Variants in SMG6 observed in about 807,000 individuals in gnomAD.
SMG6 encodes the protein SMG6 nonsense mediated mRNA decay factor, also known as telomerase-binding protein EST1A.
A neutral mutation model predicts 142.2 loss-of-function variants in SMG6; 66 were observed. The ratio of observed to expected loss-of-function variants is 0.46; its 90% CI spans 0.38 to 0.57. The LOEUF (loss-of-function observed/expected upper bound fraction) is 0.57. Ranked by LOEUF, SMG6 falls within the 20% of genes least tolerant of loss-of-function variation. The probability of loss-of-function intolerance (pLI) is 0.00; values close to 1 mark genes in which losing one functional copy is unlikely to be tolerated. For synonymous variants in SMG6, 779 were observed against 702.4 expected, an observed-to-expected ratio of 1.11 and a Z score of -1.72; for missense variants, 1,793 against 1,832.0, an observed-to-expected ratio of 0.98 and a Z score of 0.39.
intron 13 of SMG6, among the ~76,000 whole-genome samples, chr17:2,121,220 T>G (rs1262653611): frequency 6.6e-6 from 1 of 151,138 alleles, no homozygotes; most frequent in Non-Finnish European, 1.5e-5. Context: ...CACAGCAACT[T>G]TATTCATAAC....
chr17:2,300,814 G>T lies in SMG6; in HGVS notation c.89-150C>A, dbSNP rs1017580185. 4.3e-6 allele frequency: 3 copies of T among 705,114 alleles called. No homozygotes were observed. The African/African-American group carries it at 5.4e-5, about 13-fold the overall frequency. 43.7% of individuals were successfully genotyped at this position (705,114 alleles called of 1,614,324 possible). A position where few individuals can be genotyped will look rare whatever the true frequency, so the allele number is the denominator to read the frequency against. ...ATGCTAATACTGGTAGGCAAAGAAG[G>T]ACATTTCTGTAGAAGCAGAAATTCT... On this transcript the variant is annotated intron_variant, in intron 1 of 18. Coordinates refer to ENST00000263073, the MANE Select transcript of SMG6 (RefSeq NM_017575.5).
intron 8 of SMG6, among the ~76,000 whole-genome samples, chr17:2,265,040 A>G (rs1433419588): frequency 6.6e-6 from 1 of 152,164 alleles, no homozygotes; most frequent in Non-Finnish European, 1.5e-5. Context: ...AGGTTCTCTG[A>G]GAGGAAATGA....
At chr17:2,293,673 T>C (rs575170351) in intron 4 of SMG6, among the ~76,000 whole-genome samples, 5 of 152,350 alleles carry the variant, frequency 3.3e-5, no homozygotes, top group Non-Finnish European at 7.4e-5. Flanking sequence ...TTTCGCCATG[T>C]TGCCCAGGCT....
At chr17:2,106,774 G>A (rs1357898067) in intron 13 of SMG6, among the ~76,000 whole-genome samples, 1 of 151,950 alleles carries the variant, frequency 6.6e-6, no homozygotes, top group African/African-American at 2.4e-5. Flanking sequence ...TGTCCCTGCT[G>A]ACAGGAAAGA....
Position 2,133,705 on chromosome 17 carries a change from T to C in SMG6, c.3357+38953A>G, listed in dbSNP as rs570271713. ...GGTACGTGCTAACACATGTGGCTAATAGCTGGATACATTTCTGCCAGCCAG... is the reference window on the plus strand; with the variant it reads ...GGTACGTGCTAACACATGTGGCTAACAGCTGGATACATTTCTGCCAGCCAG... On this transcript the variant is annotated intron_variant, in intron 13 of 18. Coordinates refer to ENST00000263073, the MANE Select transcript of SMG6 (RefSeq NM_017575.5). Among the ~76,000 whole-genome samples the C allele has an allele frequency of 5.9e-5, 9 of 152,362 alleles. 1 individual carries two copies. The East Asian group carries it at 1.5e-3, about 26-fold the overall frequency.
chr17:2,181,101 C>A (rs1302106888), intron 12 of SMG6, among the ~76,000 whole-genome samples: 2 of 152,176 alleles, frequency 1.3e-5, no homozygotes, highest in African/African-American at 4.8e-5. Flanking sequence ...AAAAGAAAAG[C>A]CTCTTCAATC....
intron 13 of SMG6, among the ~76,000 whole-genome samples, chr17:2,102,090 G>C (rs2069023745): frequency 6.6e-6 from 1 of 152,200 alleles, no homozygotes; most frequent in Non-Finnish European, 1.5e-5. Flanking sequence ...TGGAACGACA[G>C]TGTCGTGGCC....
chr17:2,214,808 A>C (rs2072966076), intron 10 of SMG6, among the ~76,000 whole-genome samples: 1 of 152,234 alleles, frequency 6.6e-6, no homozygotes, highest in African/African-American at 2.4e-5. Context: ...CTTGGAAAGA[A>C]ACCTGATAAG....
At chr17:2,296,345 G>A (rs184987692) in intron 4 of SMG6, among the ~76,000 whole-genome samples, 1 of 152,172 alleles carries the variant, frequency 6.6e-6, no homozygotes, top group East Asian at 1.9e-4. Flanking sequence ...CAAACTCCTA[G>A]TCATGTTTCA....
chr17:2,190,296 G>GC (rs1318715802), intron 10 of SMG6, among the ~76,000 whole-genome samples: 1 of 152,180 alleles, frequency 6.6e-6, no homozygotes, highest in Admixed American at 6.5e-5. Context: ...CATCCTGGTA[G>GC]CTGATACTCT....
intron 13 of SMG6, among the ~76,000 whole-genome samples, chr17:2,122,970 A>G (rs1167287483): frequency 6.6e-6 from 1 of 152,242 alleles, no homozygotes; most frequent in Non-Finnish European, 1.5e-5. Flanking sequence ...GGTGGCAGAA[A>G]GCCACTCTCT....
At chr17:2,125,204 C>T (rs1283917230) in intron 13 of SMG6, among the ~76,000 whole-genome samples, 1 of 152,172 alleles carries the variant, frequency 6.6e-6, no homozygotes, top group South Asian at 2.1e-4. Context: ...GAGACAGGGT[C>T]TGATGTGGCA....
chr17:2,092,363 C>G (rs1207402271), intron 13 of SMG6, among the ~76,000 whole-genome samples: 1 of 152,218 alleles, frequency 6.6e-6, no homozygotes, highest in Non-Finnish European at 1.5e-5. Context: ...GGTCCACCCA[C>G]AGCAACCACA....
At chr17:2,277,979 T>C (rs903517646) in intron 8 of SMG6, among the ~76,000 whole-genome samples, 5 of 152,042 alleles carry the variant, frequency 3.3e-5, no homozygotes, top group Non-Finnish European at 5.9e-5. Flanking sequence ...GCCCAGGAAA[T>C]AGAGGCTCCA....
intron 8 of SMG6, among the ~76,000 whole-genome samples, chr17:2,258,062 C>CACATATATATATAT (rs1555567106): frequency 3.3e-5 from 4 of 120,322 alleles, no homozygotes; most frequent in Non-Finnish European, 5.2e-5. Context: ...CACACACACA[C>CACATATATATATAT]ACACATATAT....
chr17:2,116,872 A>G (rs1031152828), intron 13 of SMG6, among the ~76,000 whole-genome samples: 2 of 152,096 alleles, frequency 1.3e-5, no homozygotes, highest in African/African-American at 4.8e-5. Context: ...ATCAGTAAGA[A>G]AAAAGACAAA....
At chr17:2,162,315 A>G (rs949075267) in intron 13 of SMG6, among the ~76,000 whole-genome samples, 1 of 151,928 alleles carries the variant, frequency 6.6e-6, no homozygotes. Flanking sequence ...GATCGAGACC[A>G]TCCTGGCTAA....
chr17:2,120,590 G>A (rs2069657451), intron 13 of SMG6, among the ~76,000 whole-genome samples: 1 of 152,162 alleles, frequency 6.6e-6, no homozygotes, highest in South Asian at 2.1e-4. Flanking sequence ...CAATGTGGTG[G>A]CACACACCTG....
intron 8 of SMG6, among the ~76,000 whole-genome samples, chr17:2,262,402 C>T (rs965138513): frequency 6.6e-6 from 1 of 152,234 alleles, no homozygotes; most frequent in African/African-American, 2.4e-5. Context: ...GATGAATCTT[C>T]AGTTCCAACT....
Sources: gnomAD v4.1 joint callset for allele counts (sites outside exome capture counted in the v4.1 genomes callset) on GRCh38, gnomAD v4.1.1 for gene constraint, MANE v1.5 for transcripts, NCBI Gene and HGNC (gene_info 2026-07-23, HGNC 2026-07-21) for gene names.